Variants in UMODL1 observed in about 807,000 individuals in gnomAD.
UMODL1 encodes uromodulin like 1, also known as uromodulin-like 1.
Under a neutral mutation model 136.3 loss-of-function variants are expected in UMODL1, and 128 were observed. The ratio of observed to expected loss-of-function variants is 0.94; its 90% CI spans 0.81 to 1.09. The LOEUF is 1.09. Among genes scored for constraint, UMODL1 ranks in the 50% least tolerant of loss-of-function variants. UMODL1 has a pLI of 0.00. For synonymous variants in UMODL1, 721 were observed against 720.0 expected (o/e 1.00, Z -0.02); for missense variants, 1,766 against 1,725.6 (o/e 1.02, Z -0.41).
chr21:42,114,825 C>T (rs1218980763), intron 13 of UMODL1, among the ~76,000 whole-genome samples: 1 of 152,216 alleles, frequency 6.6e-6, no homozygotes, highest in African/African-American at 2.4e-5. Context: ...AGAGTTGGGC[C>T]TCTGAAGGTC....
At position 42,113,562 on chromosome 21, in the gene UMODL1, C is replaced by T. The variant is rs748148061; in HGVS notation, c.2105-11C>T. 3.1e-6 allele frequency: 5 copies of T among 1,599,850 alleles called. No individual in the cohort carries two copies. The South Asian group carries it at 5.6e-5, about 18-fold the overall frequency. ...TGATTGTAATTTTGGTGTTTATATT[C>T]CACTTCCCAGTTCCTGTCTCCATTG... On this transcript the variant is annotated splice_polypyrimidine_tract_variant and intron_variant, in intron 12 of 22. Transcript: ENST00000408910.
At chr21:42,124,595 G>A (rs2123355544) in intron 17 of UMODL1, among the ~76,000 whole-genome samples, 1 of 152,248 alleles carries the variant, frequency 6.6e-6, no homozygotes, top group East Asian at 1.9e-4. Context: ...GAGGCCTGGT[G>A]GGAAAGTGGG....
At position 42,097,961 on chromosome 21, in the gene UMODL1, C is replaced by T. The variant is rs575618500; in HGVS notation, c.932-965C>T. ...AGGAAGCTCAGCCTGATTTCTGAGT[C>T]CGGCTTCCTGATGAGGCCATTGTTT... On this transcript the variant is annotated intron_variant, in intron 6 of 22. Coordinates refer to ENST00000408910, the MANE Select transcript of UMODL1 (RefSeq NM_001004416.3). 3.9e-5 allele frequency among the ~76,000 whole-genome samples: 6 copies of T among 152,290 alleles called. No homozygotes were observed. In the East Asian group the frequency reaches 9.6e-4, roughly 24 times the overall value.
intron 9 of UMODL1, among the ~76,000 whole-genome samples, chr21:42,106,400 C>G (rs12627413): frequency 0.32 from 48,393 of 152,108 alleles, 7,951 homozygotes; most frequent in African/African-American, 0.4. Flanking sequence ...TGTGGTCCAC[C>G]TAGAAATAAT....
chr21:42,111,588 C>T lies in UMODL1; in HGVS notation c.1982C>T (p.Thr661Ile), dbSNP rs2066831658. 2 of 1,614,070 alleles carry T rather than the reference C, an allele frequency of 1.2e-6. No individual in the cohort carries two copies. Among genetic ancestry groups the T allele is most frequent in the Non-Finnish European group, 1.7e-6 (2 of 1,180,020 alleles). The change falls in exon 12 of 23, where the codon ACC (threonine) becomes ATC (isoleucine). Residue 661 changes from threonine to isoleucine, a missense_variant. Physicochemically the swap from Thr to Ile is moderately conservative, Grantham distance 89. Coordinates refer to ENST00000408910, the MANE Select transcript of UMODL1 (RefSeq NM_001004416.3). ...ACCGGCCACTTCCTGTGGCATGCCA[C>T]CCGTTCCACCCGGGAAACACTTCTG... ...DPTGHFLWHA[T>I]RSTRETLLNP...
chr21:42,124,476 G>A (rs979998732), intron 17 of UMODL1, among the ~76,000 whole-genome samples: 1 of 152,204 alleles, frequency 6.6e-6, no homozygotes, highest in Admixed American at 6.5e-5. Flanking sequence ...GCCGGGGGTG[G>A]CTAGATGAGG....
At chr21:42,074,150 G>T (rs1312381111) in intron 1 of UMODL1, among the ~76,000 whole-genome samples, 1 of 152,184 alleles carries the variant, frequency 6.6e-6, no homozygotes, top group East Asian at 1.9e-4. Flanking sequence ...TGCGGGCAGG[G>T]CTGGCTCCTC....
chr21:42,117,614 C>T (rs1297489630), intron 14 of UMODL1, among the ~76,000 whole-genome samples: 3 of 152,178 alleles, frequency 2.0e-5, no homozygotes, highest in Admixed American at 6.5e-5. Context: ...TTTGACATTG[C>T]CACCTAGTGG....
chr21:42,101,114 CT>C (rs1174811132), intron 7 of UMODL1, among the ~76,000 whole-genome samples: 4 of 150,892 alleles, frequency 2.7e-5, no homozygotes, highest in Non-Finnish European at 5.9e-5. Context: ...TTGTAGAGCC[CT>C]TTTTTAAGGA....
intron 20 of UMODL1, chr21:42,128,034 T>C (rs2067085583): frequency 7.1e-6 from 5 of 700,388 alleles, no homozygotes; most frequent in Non-Finnish European, 1.3e-5. Flanking sequence ...TCATGTGGAC[T>C]GGTGGGCATT....
intron 9 of UMODL1, among the ~76,000 whole-genome samples, chr21:42,104,770 C>T (rs769920292): frequency 4.6e-5 from 7 of 152,328 alleles, no homozygotes; most frequent in Admixed American, 2.0e-4. Flanking sequence ...TATTTCATTA[C>T]GCTGTGTGTT....
intron 15 of UMODL1, among the ~76,000 whole-genome samples, chr21:42,120,119 C>A (rs376544279): frequency 1.3e-5 from 2 of 152,214 alleles, no homozygotes; most frequent in Admixed American, 6.5e-5. Context: ...CCCAAGACAT[C>A]CCCATTAGAA....
At chr21:42,086,628 T>C (rs188762561) in intron 4 of UMODL1, 2 of 454,908 alleles carry the variant, frequency 4.4e-6, no homozygotes, top group Non-Finnish European at 8.8e-6. Context: ...TGACCTTGGG[T>C]AAGTCACTTA....
intron 17 of UMODL1, among the ~76,000 whole-genome samples, chr21:42,125,024 C>T (rs570245812): frequency 6.6e-6 from 1 of 152,192 alleles, no homozygotes; most frequent in South Asian, 2.1e-4. Context: ...CTTGAGGAGC[C>T]TTGAGGGGGT....
Position 42,116,616 on chromosome 21 carries a change from G to GTT in UMODL1, c.2475+642_2475+643dup, listed in dbSNP as rs34717803. 7.2e-4 allele frequency among the ~76,000 whole-genome samples: 105 copies of GTT among 145,664 alleles called. 1 individual carries two copies. The highest frequency in any genetic ancestry group is 2.5e-3 in the African/African-American group (101 of 39,846). ...CTATGAAGCAGAAAGTCCCTCCACG[G>GTT]TTTTTTTTTTTTAAACCTGTAAAAA... is the stretch of plus-strand genomic sequence containing the variant. On this transcript the variant is annotated intron_variant, in intron 14 of 22. Coordinates refer to ENST00000408910, the MANE Select transcript of UMODL1 (RefSeq NM_001004416.3).
At chr21:42,121,507 A>C (rs2066972252) in intron 16 of UMODL1, among the ~76,000 whole-genome samples, 2 of 152,176 alleles carry the variant, frequency 1.3e-5, no homozygotes, top group Admixed American at 6.5e-5. Context: ...TGGAGAGAAA[A>C]TATACACATA....
At chr21:42,127,862 G>T (rs1292600914) in intron 20 of UMODL1, 31 bp downstream of exon 20, 1 of 1,608,762 alleles carries the variant, frequency 6.2e-7, no homozygotes, top group African/African-American at 1.3e-5. Context: ...TAAACGTTTG[G>T]TTGGATTCAC....
Position 42,099,229 on chromosome 21 carries a change from T to C in UMODL1, c.1186+49T>C, listed in dbSNP as rs756966749. On this transcript the variant is annotated intron_variant, in intron 7 of 22. Transcript: ENST00000408910. The surrounding 1 kb of genome is among the most constrained non-coding windows in gnomAD (Gnocchi z 4.1). Reference sequence around the variant, plus strand: ...ACGTTAGCTTGCGAGCTTGTCTTTCTATCCCAGGTCTGTGGCCCTAGCATG... The same window carrying C: ...ACGTTAGCTTGCGAGCTTGTCTTTCCATCCCAGGTCTGTGGCCCTAGCATG... 6.3e-7 allele frequency: 1 copy of C among 1,594,938 alleles called. No homozygotes were observed. The highest frequency in any genetic ancestry group is 8.6e-7 in the Non-Finnish European group (1 of 1,168,976).
chr21:42,119,170 G>A lies in UMODL1; in HGVS notation c.2535G>A (p.Met845Ile), dbSNP rs2066937372. 3 of 1,614,006 alleles carry A rather than the reference G, an allele frequency of 1.9e-6. No homozygotes were observed. The highest frequency in any genetic ancestry group is 1.3e-5 in the African/African-American group (1 of 74,942). Residue 845 changes from methionine (M) to isoleucine (I), a missense_variant, in exon 15 of 23, where the codon ATG becomes ATA. By Grantham distance (10) the Met-to-Ile change is conservative. Coordinates refer to ENST00000408910, the MANE Select transcript of UMODL1 (RefSeq NM_001004416.3). Reference sequence around the variant, plus strand: ...ACATGGACGCTGGTGGGGTCAGGATGGAAGTCGTCAGCGTCACCAACGGCA... The same window carrying A: ...ACATGGACGCTGGTGGGGTCAGGATAGAAGTCGTCAGCGTCACCAACGGCA... The part of the protein sequence containing the change: ...CQHMDAGGVR[M>I]EVVSVTNGSI...
Sources: allele counts gnomAD v4.1 joint callset (sites outside exome capture counted in the v4.1 genomes callset), GRCh38; gene constraint gnomAD v4.1.1; non-coding constraint Gnocchi (gnomAD v3.1); transcripts MANE v1.5; gene names NCBI Gene and HGNC (gene_info 2026-07-23, HGNC 2026-07-21).